Variants in MAPKAP1 observed in about 807,000 individuals in gnomAD.
MAPKAP1 encodes the protein MAPK associated protein 1.
A neutral mutation model predicts 65.7 loss-of-function variants in MAPKAP1; 20 were observed. The ratio of observed to expected loss-of-function variants is 0.30; its 90% CI spans 0.21 to 0.44. The LOEUF (loss-of-function observed/expected upper bound fraction) is 0.44, where lower values mean the gene tolerates loss of function less well. Ranked by LOEUF, MAPKAP1 falls within the 20% of genes least tolerant of loss-of-function variation. MAPKAP1 has a pLI of 1.00. For missense variants in MAPKAP1, 423 were observed against 648.0 expected (o/e 0.65, Z 3.77); for synonymous variants, 222 against 244.3 (o/e 0.91, Z 0.85).
At chr9:125,525,392 G>A (rs907502) in intron 7 of MAPKAP1, among the ~76,000 whole-genome samples, 2,050 of 152,278 alleles carry the variant, frequency 0.013, 44 homozygotes, top group African/African-American at 0.046. Context: ...AGTAACAGGA[G>A]GCCGGGCGCG....
chr9:125,558,908 C>T (rs1399747349), intron 6 of MAPKAP1, among the ~76,000 whole-genome samples: 2 of 152,220 alleles, frequency 1.3e-5, no homozygotes, highest in East Asian at 1.9e-4. Flanking sequence ...CTGTCATGAA[C>T]AGAAGTCATA....
intron 7 of MAPKAP1, among the ~76,000 whole-genome samples, chr9:125,519,007 C>T (rs1227041191): frequency 6.6e-6 from 1 of 152,162 alleles, no homozygotes; most frequent in Non-Finnish European, 1.5e-5. Context: ...ATAAGTATTA[C>T]ATTTATTTTA....
chr9:125,494,500 C>A (rs1444241672), intron 8 of MAPKAP1, among the ~76,000 whole-genome samples: 2 of 152,176 alleles, frequency 1.3e-5, no homozygotes, highest in Non-Finnish European at 2.9e-5. Flanking sequence ...TTCAGACCCC[C>A]TTCAATAAAT....
At chr9:125,572,803 T>TA (rs746460017) in intron 5 of MAPKAP1, 1 of 152,244 alleles carries the variant, frequency 6.6e-6, no homozygotes, top group Non-Finnish European at 1.5e-5. Context: ...GCTTTACTCT[T>TA]GTGGAATATA....
chr9:125,577,407 T>G (rs12684731), intron 5 of MAPKAP1, among the ~76,000 whole-genome samples: 3 of 141,504 alleles, frequency 2.1e-5, no homozygotes, highest in Non-Finnish European at 1.6e-5. Context: ...GCCCCCCGCC[T>G]GGCCAGCCTC....
Position 125,680,297 on chromosome 9 carries a change from G to A in MAPKAP1, c.-69-7654C>T, listed in dbSNP as rs117572724. Among the ~76,000 whole-genome samples the A allele has an allele frequency of 4.1e-4, 62 of 151,684 alleles. 1 individual carries two copies. The East Asian group carries it at 0.012, about 28-fold the overall frequency. ...CGTCTTGCCTTTATAAAAACCAACA[G>A]ACCCTCTTTTTTTATTTTTTAACTA... On this transcript the variant is annotated intron_variant, in intron 1 of 11. Coordinates refer to ENST00000265960, the MANE Select transcript of MAPKAP1 (RefSeq NM_001006617.3).
Position 125,448,233 on chromosome 9 carries a change from G to C in MAPKAP1, c.1346-3635C>G, listed in dbSNP as rs369001240. On this transcript the variant is annotated intron_variant, in intron 10 of 11. Coordinates refer to ENST00000265960, the MANE Select transcript of MAPKAP1 (RefSeq NM_001006617.3). ...CGAGAACTACAGAGAAGGTAATGTTGGCAGGATGGGGAGACTCTTTCACAA... is the reference window on the plus strand; with the variant it reads ...CGAGAACTACAGAGAAGGTAATGTTCGCAGGATGGGGAGACTCTTTCACAA... 2.6e-4 allele frequency among the ~76,000 whole-genome samples: 40 copies of C among 152,270 alleles called. No individual in the cohort carries two copies. The East Asian group carries it at 4.6e-3, about 18-fold the overall frequency.
At chr9:125,457,011 C>CA (rs1253665863) in intron 10 of MAPKAP1, among the ~76,000 whole-genome samples, 1 of 141,374 alleles carries the variant, frequency 7.1e-6, no homozygotes. Context: ...TTTTTTGAGA[C>CA]AGAGTCTCAC....
chr9:125,647,393 AT>A (rs1368998823), intron 4 of MAPKAP1, among the ~76,000 whole-genome samples: 1 of 152,202 alleles, frequency 6.6e-6, no homozygotes, highest in Middle Eastern at 3.2e-3. Context: ...TCTGGGCTTC[AT>A]TATAAGAGTG....
chr9:125,670,664 A>C (rs997021117), intron 2 of MAPKAP1, among the ~76,000 whole-genome samples: 1 of 152,228 alleles, frequency 6.6e-6, no homozygotes, highest in Non-Finnish European at 1.5e-5. Flanking sequence ...TGCATTTGTG[A>C]TTATATTGCC....
chr9:125,622,760 T>G (rs1832945614), intron 4 of MAPKAP1, among the ~76,000 whole-genome samples: 1 of 151,804 alleles, frequency 6.6e-6, no homozygotes, highest in Admixed American at 6.6e-5. Context: ...GTACAATTAT[T>G]ACATGTCAAC....
intron 10 of MAPKAP1, among the ~76,000 whole-genome samples, chr9:125,460,499 G>A (rs1400052146): frequency 1.3e-5 from 2 of 152,194 alleles, no homozygotes; most frequent in Non-Finnish European, 2.9e-5. Context: ...TACACGTTCT[G>A]TAAACATACA....
intron 8 of MAPKAP1, chr9:125,506,060 TTAGG>T: frequency 1.9e-6 from 1 of 514,962 alleles, no homozygotes. Context: ...TGCTCCCAAC[TTAGG>T]AAGACAGTTT....
chr9:125,450,150 A>C (rs1254024975), intron 10 of MAPKAP1, among the ~76,000 whole-genome samples: 5 of 152,078 alleles, frequency 3.3e-5, no homozygotes, highest in Admixed American at 6.6e-5. Context: ...CTTCTAACAC[A>C]ACCTGCCAGT....
In MAPKAP1 at chr9:125,473,685, A is replaced by C. The variant is rs904037826; in HGVS notation, c.1208-5576T>G. 3.9e-5 allele frequency among the ~76,000 whole-genome samples: 6 copies of C among 152,206 alleles called. No homozygotes were observed. In the East Asian group the frequency reaches 1.2e-3, roughly 29 times the overall value. Reference sequence around the variant, plus strand: ...TAGCACCGCGTAGCATCTTCTTCTAACACAGACTGAGCGCCCACTCTGGGT... The same window carrying C: ...TAGCACCGCGTAGCATCTTCTTCTACCACAGACTGAGCGCCCACTCTGGGT... On this transcript the variant is annotated intron_variant, in intron 9 of 11. Coordinates refer to ENST00000265960, the MANE Select transcript of MAPKAP1 (RefSeq NM_001006617.3).
At chr9:125,665,658 A>G (rs1834319826) in intron 3 of MAPKAP1, among the ~76,000 whole-genome samples, 1 of 151,976 alleles carries the variant, frequency 6.6e-6, no homozygotes, top group Non-Finnish European at 1.5e-5. Flanking sequence ...AAAAAAAAAC[A>G]TAACTTTGTG....
intron 4 of MAPKAP1, among the ~76,000 whole-genome samples, chr9:125,621,060 G>A (rs533646968): frequency 3.7e-4 from 57 of 152,166 alleles, no homozygotes; most frequent in African/African-American, 9.2e-4. Flanking sequence ...CTGGTTGAGC[G>A]CAGGAGTTTG....
At chr9:125,457,979 C>T (rs574634115) in intron 10 of MAPKAP1, among the ~76,000 whole-genome samples, 1 of 152,330 alleles carries the variant, frequency 6.6e-6, no homozygotes, top group Non-Finnish European at 1.5e-5. Flanking sequence ...TGTCTTCCAG[C>T]TCAGTGAGAC....
intron 10 of MAPKAP1, among the ~76,000 whole-genome samples, chr9:125,448,463 G>A (rs1274197409): frequency 6.6e-6 from 1 of 152,152 alleles, no homozygotes; most frequent in African/African-American, 2.4e-5. Context: ...CTGAACAAAA[G>A]AACACCTGTT....
Sources: gnomAD v4.1 joint callset for allele counts (sites outside exome capture counted in the v4.1 genomes callset) on GRCh38, gnomAD v4.1.1 for gene constraint, MANE v1.5 for transcripts, NCBI Gene and HGNC (gene_info 2026-07-23, HGNC 2026-07-21) for gene names.